The following SGK1 variants were observed in gnomAD, a reference collection of about 807,000 sequenced individuals.
SGK1 encodes the protein serine/threonine-protein kinase Sgk1.
A neutral mutation model predicts 64.2 loss-of-function variants in SGK1; 26 were observed. The ratio of observed to expected loss-of-function variants is 0.40; its 90% CI spans 0.30 to 0.56. The LOEUF (loss-of-function observed/expected upper bound fraction) is 0.56, where lower values mean the gene tolerates loss of function less well. SGK1 is among the 20% of genes least tolerant of loss of function. The pLI, the probability that SGK1 is intolerant of heterozygous loss-of-function variation, is 0.38. For synonymous variants in SGK1, 265 were observed against 239.7 expected (o/e 1.11, Z -0.98); for missense variants, 519 against 645.6 (o/e 0.80, Z 2.12).
At chr6:134,212,543 C>T (rs1299376092) in intron 2 of SGK1, among the ~76,000 whole-genome samples, 1 of 152,140 alleles carries the variant, frequency 6.6e-6, no homozygotes, top group African/African-American at 2.4e-5. Context: ...GGTCACTCTG[C>T]CCCAGAAGAC....
chr6:134,260,368 A>ACCCCCCCCC (rs1427611267), intron 2 of SGK1: 154 of 57,080 alleles, frequency 2.7e-3, no homozygotes, highest in Non-Finnish European at 4.3e-3. Flanking sequence ...CCTGTCCCCG[A>ACCCCCCCCC]CCCCCACCCC....
intron 2 of SGK1, among the ~76,000 whole-genome samples, chr6:134,214,730 A>T (rs968609643): frequency 6.6e-6 from 1 of 152,218 alleles, no homozygotes; most frequent in Non-Finnish European, 1.5e-5. Context: ...TCAAACTGTA[A>T]GCCCCCTAAA....
At chr6:134,208,907 T>TATACAC (rs540401467) in intron 2 of SGK1, among the ~76,000 whole-genome samples, 8 of 150,562 alleles carry the variant, frequency 5.3e-5, no homozygotes, top group African/African-American at 9.8e-5. Flanking sequence ...TATATATATA[T>TATACAC]ACACACACAC....
chr6:134,177,890 A>T, intron 3 of SGK1: 1 of 1,514,822 alleles, frequency 6.6e-7, no homozygotes, highest in Non-Finnish European at 8.9e-7. Flanking sequence ...AGGCAATTTA[A>T]GTACAGGAAG....
chr6:134,251,606 T>C (rs1776606611), intron 2 of SGK1, among the ~76,000 whole-genome samples: 1 of 152,138 alleles, frequency 6.6e-6, no homozygotes, highest in East Asian at 1.9e-4. Context: ...GACTCATCAC[T>C]GGGAACGCGG....
rs183382412 is a variant in SGK1, at chr6:134,207,470, G to C, written c.286-39C>G. 3.4e-4 allele frequency: 484 copies of C among 1,413,382 alleles called. 1 individual carries two copies. The African/African-American group carries it at 6.1e-3, about 18-fold the overall frequency. The allele number at this position is 1,413,382 out of a possible 1,614,324, so 87.6% of individuals were successfully genotyped here. ...AGAGAAAAGAAGTGATATAAAAATGGCTTCATCATTTCAGCTATTTTAGGC... is the reference window on the plus strand; with the variant it reads ...AGAGAAAAGAAGTGATATAAAAATGCCTTCATCATTTCAGCTATTTTAGGC... On this transcript the variant is annotated intron_variant, in intron 2 of 13. Coordinates refer to ENST00000367858, the MANE Select transcript of SGK1 (RefSeq NM_001143676.3).
chr6:134,194,502 A>G (rs1295452171), intron 3 of SGK1, among the ~76,000 whole-genome samples: 1 of 149,776 alleles, frequency 6.7e-6, no homozygotes, highest in African/African-American at 2.5e-5. Flanking sequence ...TGTTAAATTC[A>G]ATTTGTCAAA....
At chr6:134,198,686 C>G (rs1775631843) in intron 3 of SGK1, among the ~76,000 whole-genome samples, 2 of 139,400 alleles carry the variant, frequency 1.4e-5, no homozygotes, top group South Asian at 4.7e-4. Context: ...ATGGATATAC[C>G]ACTTTATAGT....
chr6:134,309,934 T>G (rs1777586602), intron 1 of SGK1, among the ~76,000 whole-genome samples: 1 of 152,256 alleles, frequency 6.6e-6, no homozygotes, highest in Admixed American at 6.5e-5. Context: ...GCTTCTACAA[T>G]ATTTGCTCTA....
intron 2 of SGK1, chr6:134,260,430 G>T (rs1388023299): frequency 5.9e-5 from 8 of 135,992 alleles, no homozygotes; most frequent in African/African-American, 2.2e-4. Flanking sequence ...CCAGCAATTT[G>T]GAAAGCCGAC....
intron 1 of SGK1, among the ~76,000 whole-genome samples, chr6:134,275,507 C>T (rs2114764259): frequency 6.6e-6 from 1 of 152,320 alleles, no homozygotes; most frequent in East Asian, 1.9e-4. Context: ...TAAGAAAGCC[C>T]ATATGACTGA....
intron 3 of SGK1, among the ~76,000 whole-genome samples, chr6:134,184,650 A>G (rs10457625): frequency 6.6e-6 from 1 of 151,912 alleles, no homozygotes; most frequent in Non-Finnish European, 1.5e-5. Flanking sequence ...TTGTTGATTT[A>G]CCCAACTAGA....
At chr6:134,235,921 A>G (rs891204442) in intron 2 of SGK1, among the ~76,000 whole-genome samples, 2 of 152,060 alleles carry the variant, frequency 1.3e-5, no homozygotes, top group South Asian at 4.2e-4. Flanking sequence ...AACTGTGAAC[A>G]AGGTATTTCT....
chr6:134,267,425 T>A (rs1271811253), intron 1 of SGK1, among the ~76,000 whole-genome samples: 2 of 151,944 alleles, frequency 1.3e-5, no homozygotes, highest in Non-Finnish European at 2.9e-5. Context: ...AGCCTCCCAG[T>A]TACCTGGGAC....
intron 1 of SGK1, among the ~76,000 whole-genome samples, chr6:134,265,795 G>GTATATA (rs113465609): frequency 6.8e-6 from 1 of 148,076 alleles, no homozygotes; most frequent in African/African-American, 2.5e-5. Flanking sequence ...AATCATAAAT[G>GTATATA]TATATATATA....
chr6:134,249,339 C>CTGTT (rs1390255403), intron 2 of SGK1: 4 of 152,184 alleles, frequency 2.6e-5, no homozygotes, highest in Admixed American at 6.6e-5. Context: ...AACCCGAATT[C>CTGTT]TGTTCCCCAG....
intron 2 of SGK1, among the ~76,000 whole-genome samples, chr6:134,227,375 T>G (rs1460389640): frequency 2.0e-5 from 3 of 152,114 alleles, no homozygotes; most frequent in Middle Eastern, 6.3e-3. Flanking sequence ...CCTCAGGTGA[T>G]CCACCCGCTT....
intron 2 of SGK1, among the ~76,000 whole-genome samples, chr6:134,220,957 G>A (rs1406115332): frequency 1.4e-5 from 2 of 147,020 alleles, no homozygotes; most frequent in Non-Finnish European, 1.5e-5. Flanking sequence ...ACTCCAGCCT[G>A]ATCAACAGAG....
At chr6:134,205,391 T>C (rs1181250378) in intron 3 of SGK1, among the ~76,000 whole-genome samples, 2 of 151,762 alleles carry the variant, frequency 1.3e-5, no homozygotes, top group Non-Finnish European at 2.9e-5. Context: ...TTTTGACAGA[T>C]GAAATTGATA....
Sources: allele counts gnomAD v4.1 joint callset (sites outside exome capture counted in the v4.1 genomes callset), GRCh38; gene constraint gnomAD v4.1.1; transcripts MANE v1.5; gene names NCBI Gene and HGNC (gene_info 2026-07-23, HGNC 2026-07-21).